CROCC: variants seen among roughly 807,000 people sequenced by gnomAD.
The protein encoded by CROCC is ciliary rootlet coiled-coil, rootletin.
CROCC carries 180 observed loss-of-function variants against 245.2 expected under a neutral mutation model. The observed-to-expected ratio is 0.73, with a 90% CI of 0.65 to 0.83. The LOEUF is 0.83. CROCC is among the 40% of genes least tolerant of loss of function. The pLI, the probability that CROCC is intolerant of heterozygous loss-of-function variation, is 0.00. For synonymous variants in CROCC, 1,205 were observed against 1,241.6 expected, an observed-to-expected ratio of 0.97 and a Z score of 0.62; for missense variants, 2,688 against 2,779.4, an observed-to-expected ratio of 0.97 and a Z score of 0.74.
intron 13 of CROCC, among the ~76,000 whole-genome samples, chr1:16,943,584 C>T (rs2075980451): frequency 6.6e-6 from 1 of 152,222 alleles, no homozygotes; most frequent in Non-Finnish European, 1.5e-5. Context: ...TTTTTCGCAC[C>T]TATGGCCAGT....
At chr1:16,924,025 A>G (rs1198421972) in intron 2 of CROCC, among the ~76,000 whole-genome samples, 2 of 152,258 alleles carry the variant, frequency 1.3e-5, no homozygotes, top group East Asian at 3.8e-4. Context: ...GAAGAAGACT[A>G]ATTGGAAAAG....
At chr1:16,916,877 A>G (rs1282858399) in intron 1 of CROCC, among the ~76,000 whole-genome samples, 4 of 152,278 alleles carry the variant, frequency 2.6e-5, no homozygotes, top group African/African-American at 9.6e-5. Context: ...CAGCACTTTG[A>G]GAGGCCGAGG....
chr1:16,939,259 T>C, intron 12 of CROCC, 117 bp downstream of exon 12: 1 of 946,392 alleles, frequency 1.1e-6, no homozygotes, highest in South Asian at 2.3e-5. Flanking sequence ...GGGAGGAGTC[T>C]GAGCGCCCTG....
chr1:16,946,994 G>C lies in CROCC; in HGVS notation c.2514+3G>C. The C allele has an allele frequency of 6.5e-7, 1 of 1,548,982 alleles. No homozygotes were observed. The highest frequency in any genetic ancestry group is 8.7e-7 in the Non-Finnish European group (1 of 1,146,934). ...AGCTGCAGGAGCAGCTAGCGCAGGT[G>C]GGCAAAGCTGTGTGTGGGGGTGGTG... is the stretch of plus-strand genomic sequence containing the variant. On this transcript the variant is annotated splice_donor_region_variant and intron_variant, in intron 17 of 36. Transcript: ENST00000375541.
rs150383004 is a variant in CROCC, at chr1:16,955,359, C to G, written c.3513C>G (p.Asp1171Glu). The part of the protein sequence containing the change: ...TQLRLLEDAR[D>E]GLRRELLEAQ... ...TGCGTCTGCTGGAGGATGCCCGTGA[C>G]GGGCTGCGGCGGGAGCTGCTGGAGG... is the stretch of plus-strand genomic sequence containing the variant. Residue 1171 changes from aspartate to glutamate, a missense_variant, in exon 24 of 37, where the codon GAC becomes GAG. Asp to Glu is a conservative substitution (Grantham distance 45). Coordinates refer to ENST00000375541, the MANE Select transcript of CROCC (RefSeq NM_014675.5). 1.2e-6 allele frequency: 2 copies of G among 1,607,322 alleles called. No individual in the cohort carries two copies. Among genetic ancestry groups the G allele is most frequent in the Non-Finnish European group, 1.7e-6 (2 of 1,179,562 alleles).
chr1:16,971,716 A>G (rs928252575), intron 36 of CROCC, 69 bp downstream of exon 36: 26 of 1,369,912 alleles, frequency 1.9e-5, no homozygotes, highest in African/African-American at 2.9e-5. Context: ...GAGAGACCCA[A>G]TCAAGACCTT....
intron 26 of CROCC, 60 bp from the exon 27 acceptor site, chr1:16,960,698 G>C (rs900617352): frequency 4.4e-5 from 63 of 1,423,582 alleles, no homozygotes; most frequent in Non-Finnish European, 5.4e-5. Context: ...CTGGGCCTTA[G>C]GGGTGGGGCG....
In CROCC at chr1:16,968,099, C is replaced by A. The variant is rs888516094; in HGVS notation, c.4861-104C>A. Reference sequence around the variant, plus strand: ...GCCGGCCCCAGGTCACGTAGGTCACCCTTCGAGGCTGCTCCCCACTTTCCC... The same window carrying A: ...GCCGGCCCCAGGTCACGTAGGTCACACTTCGAGGCTGCTCCCCACTTTCCC... On this transcript the variant is annotated intron_variant, in intron 30 of 36. Transcript: ENST00000375541. 27 of 1,192,022 alleles carry A rather than the reference C, an allele frequency of 2.3e-5. No individual in the cohort carries two copies. In the African/African-American group the frequency reaches 4.1e-4, roughly 18 times the overall value. 73.8% of individuals were successfully genotyped at this position (1,192,022 alleles called of 1,614,324 possible).
At position 16,965,765 on chromosome 1, in the gene CROCC, G is replaced by A. The variant is rs1557640477; in HGVS notation, c.4448G>A (p.Ser1483Asn). 2.5e-6 allele frequency: 4 copies of A among 1,613,878 alleles called. No individual in the cohort carries two copies. Among genetic ancestry groups the A allele is most frequent in the Middle Eastern group, 1.7e-4 (1 of 6,036 alleles). Residue 1483 changes from serine (S) to asparagine (N), a missense_variant, in exon 28 of 37, where the codon AGC (serine) becomes AAC (asparagine). Physicochemically the swap from Ser to Asn is conservative, Grantham distance 46. Around this residue, in one of 9 missense-constraint regions of CROCC, gnomAD observed 1,218 missense variants for 1,286.3 expected, o/e 0.95. Coordinates refer to ENST00000375541, the MANE Select transcript of CROCC (RefSeq NM_014675.5). ...GLNSPSTLEC[S>N]PGSQPPSPGP... ...AACAGCCCCAGCACCTTAGAATGCA[G>A]CCCTGGGTCCCAGCCACCATCTCCA...
At position 16,939,154 on chromosome 1, in the gene CROCC, C is replaced by G; in HGVS notation, c.1608+12C>G. The G allele has an allele frequency of 1.4e-6, 2 of 1,445,122 alleles. No individual in the cohort carries two copies. Among genetic ancestry groups the G allele is most frequent in the Non-Finnish European group, 1.8e-6 (2 of 1,106,418 alleles). 89.5% of individuals were successfully genotyped at this position (1,445,122 alleles called of 1,614,324 possible). ...AGCTGCAGGTCCAGGTAGGAAGGGG[C>G]TTGAGCGTTCTGGGCGCAGCCAGAG... On this transcript the variant is annotated intron_variant, in intron 12 of 36. Transcript: ENST00000375541.
At position 16,961,125 on chromosome 1, in the gene CROCC, C is replaced by G. The variant is rs1224256968; in HGVS notation, c.4400C>G (p.Ala1467Gly). The change falls in exon 27 of 37, where the codon GCA becomes GGA. Residue 1467 changes from alanine (A) to glycine (G), a missense_variant. Physicochemically the swap from Ala to Gly is moderately conservative, Grantham distance 60. Coordinates refer to ENST00000375541, the MANE Select transcript of CROCC (RefSeq NM_014675.5). ...GGTTCCCCTGCCCGGGACGCACCCG[C>G]AGAAGGTAAGGGCAGTGCCGCGCGC... ...VPGSPARDAPAEGSGEGLNSP... is the reference protein window; with the variant it reads ...VPGSPARDAPGEGSGEGLNSP... The G allele has an allele frequency of 7.4e-7, 1 of 1,348,702 alleles. No individual in the cohort carries two copies. The allele number at this position is 1,348,702 out of a possible 1,614,324, so 83.5% of individuals were successfully genotyped here. A position where few individuals can be genotyped will look rare whatever the true frequency, so the allele number is the denominator to read the frequency against.
rs774720848 is a variant in CROCC at position 16,924,402 on chromosome 1, C to CGCGTG, written c.276_280dup (p.Glu94AlafsTer115). ...CCAGCTGCTGCAGCAGGAGCTGTCC[C>CGCGTG]GCGTGGAGGACCTGCTGGCCCAGAG... On this transcript the variant is annotated frameshift_variant, in exon 3 of 37. Coordinates refer to ENST00000375541, the MANE Select transcript of CROCC (RefSeq NM_014675.5). LOFTEE classifies it high-confidence loss of function. 2 of 1,613,254 alleles carry CGCGTG rather than the reference C, an allele frequency of 1.2e-6. No homozygotes were observed.
chr1:16,931,148 A>T, intron 7 of CROCC, 143 bp from the exon 8 acceptor site: 6 of 689,612 alleles, frequency 8.7e-6, no homozygotes. Flanking sequence ...TGGCCGCTGC[A>T]ACACAGCTCT....
In CROCC at chr1:16,946,772, A is replaced by T. The variant is rs1386796866; in HGVS notation, c.2295A>T (p.Glu765Asp). 6.4e-7 allele frequency: 1 copy of T among 1,551,380 alleles called. No individual in the cohort carries two copies. Among genetic ancestry groups the T allele is most frequent in the Non-Finnish European group, 8.7e-7 (1 of 1,147,046 alleles). ...TACCTGGCCTCCAGCTGGAGGAAGA[A>T]AAGTCCGCCCTGCAGGGCCGGCAAC... ...LNRLVAQLEE[E>D]KSALQGRQRQ... The change falls in exon 17 of 37, where the codon GAA becomes GAT. Residue 765 changes from glutamate (E) to aspartate (D), a missense_variant. Physicochemically the swap from Glu to Asp is conservative, Grantham distance 45. Transcript: ENST00000375541.
Position 16,922,553 on chromosome 1 carries a change from G to A in CROCC, c.61-110G>A, listed in dbSNP as rs1414049260. On this transcript the variant is annotated intron_variant, in intron 1 of 36. Transcript: ENST00000375541. ...CTCCCAGGCTTCACTCCATCTTGAG[G>A]GGGCTCCTGGGGACCTGTATCTTGG... 5 of 1,429,274 alleles carry A rather than the reference G, an allele frequency of 3.5e-6. No individual in the cohort carries two copies. In the African/African-American group the frequency reaches 5.7e-5, roughly 16 times the overall value. The allele number at this position is 1,429,274 out of a possible 1,614,324, so 88.5% of individuals were successfully genotyped here. A position where few individuals can be genotyped will look rare whatever the true frequency, so the allele number is the denominator to read the frequency against.
chr1:16,964,322 T>C (rs1243939474), intron 27 of CROCC, among the ~76,000 whole-genome samples: 1 of 115,228 alleles, frequency 8.7e-6, no homozygotes, highest in Admixed American at 9.2e-5. Context: ...ATTTTTCTCT[T>C]TTCTTTTCTT....
chr1:16,919,432 C>CT (rs1484063952), upstream of CROCC, among the ~76,000 whole-genome samples: 3 of 152,300 alleles, frequency 2.0e-5, no homozygotes, highest in African/African-American at 7.2e-5. Context: ...AATATGCCCC[C>CT]TTTGGGGCAC....
chr1:16,931,453 C>A, intron 8 of CROCC, 56 bp downstream of exon 8: 1 of 1,464,672 alleles, frequency 6.8e-7, no homozygotes, highest in Non-Finnish European at 9.5e-7. Context: ...CTCTTTATGT[C>A]CAACTGAACT....
At chr1:16,946,660 G>A (rs2076053520) in intron 16 of CROCC, 101 bp from the exon 17 acceptor site, 1 of 1,281,384 alleles carries the variant, frequency 7.8e-7, no homozygotes. Context: ...TTCCCTGGGA[G>A]CCTCCCCTGG....
Sources: allele counts gnomAD v4.1 joint callset (sites outside exome capture counted in the v4.1 genomes callset), GRCh38; gene constraint gnomAD v4.1.1; regional missense constraint gnomAD v4.1.1; transcripts MANE v1.5; gene names NCBI Gene and HGNC (gene_info 2026-07-23, HGNC 2026-07-21).